The following SEC23A variants were observed in gnomAD, a reference collection of about 807,000 sequenced individuals.
The protein encoded by SEC23A is protein transport protein Sec23A.
Under a neutral mutation model 103.7 loss-of-function variants are expected in SEC23A, and 56 were observed. That is an observed-to-expected ratio of 0.54 (90% CI 0.44 to 0.67). SEC23A has a LOEUF of 0.67. Ranked by LOEUF, SEC23A falls within the 30% of genes least tolerant of loss-of-function variation. The pLI is 0.00. For synonymous variants in SEC23A, 281 were observed against 293.0 expected, an observed-to-expected ratio of 0.96 and a Z score of 0.42; for missense variants, 784 against 936.4, an observed-to-expected ratio of 0.84 and a Z score of 2.12.
chr14:39,092,387 C>T lies in SEC23A; in HGVS notation c.366+154G>A, dbSNP rs1459170458. Among the ~76,000 whole-genome samples, 5 of 152,170 alleles carry T rather than the reference C, an allele frequency of 3.3e-5. No homozygotes were observed. In the South Asian group the frequency reaches 1.0e-3, roughly 31 times the overall value. ...CAAATAAGTACAACATAGGAATTACCCTGCTCAAACTGACCTCAACAGTTC... is the reference window on the plus strand; with the variant it reads ...CAAATAAGTACAACATAGGAATTACTCTGCTCAAACTGACCTCAACAGTTC... On this transcript the variant is annotated intron_variant, in intron 4 of 19. Coordinates refer to ENST00000307712, the MANE Select transcript of SEC23A (RefSeq NM_006364.4).
At chr14:39,041,714 C>G (rs1327312896) in intron 17 of SEC23A, among the ~76,000 whole-genome samples, 2 of 151,824 alleles carry the variant, frequency 1.3e-5, no homozygotes, top group South Asian at 2.1e-4. Flanking sequence ...TACTAAAATG[C>G]AAAAATTAAC....
At chr14:39,061,008 A>C (rs1229410734) in intron 13 of SEC23A, among the ~76,000 whole-genome samples, 2 of 152,228 alleles carry the variant, frequency 1.3e-5, no homozygotes, top group East Asian at 3.8e-4. Flanking sequence ...AGTGCCATGA[A>C]GTCAAAAGAG....
chr14:39,068,356 C>G (rs1233476404), intron 9 of SEC23A, among the ~76,000 whole-genome samples: 1 of 152,066 alleles, frequency 6.6e-6, no homozygotes, highest in Non-Finnish European at 1.5e-5. Context: ...TATGGATTTC[C>G]TCCTTAATCC....
intron 14 of SEC23A, among the ~76,000 whole-genome samples, chr14:39,054,927 CTTACATT>C (rs1886190296): frequency 6.6e-6 from 1 of 152,138 alleles, no homozygotes; most frequent in Admixed American, 6.5e-5. Context: ...AATTGTCACT[CTTACATT>C]TTAAGGAAAA....
intron 9 of SEC23A, among the ~76,000 whole-genome samples, chr14:39,070,377 T>C (rs1157321477): frequency 6.6e-6 from 1 of 152,212 alleles, no homozygotes; most frequent in Non-Finnish European, 1.5e-5. Flanking sequence ...TCCCAGGTCA[T>C]TCTGTGACGA....
chr14:39,050,543 C>T (rs540671394), intron 14 of SEC23A, among the ~76,000 whole-genome samples: 1 of 152,148 alleles, frequency 6.6e-6, no homozygotes, highest in African/African-American at 2.4e-5. Context: ...GAAGTGTTTA[C>T]CCAGGATGGC....
chr14:39,077,161 G>A (rs1887056561), intron 7 of SEC23A, among the ~76,000 whole-genome samples: 1 of 143,342 alleles, frequency 7.0e-6, no homozygotes, highest in African/African-American at 2.6e-5. Context: ...CCAGGAGGTT[G>A]AGGTTGCAGT....
At chr14:39,063,257 G>A in intron 12 of SEC23A, 67 bp downstream of exon 12, 1 of 920,738 alleles carries the variant, frequency 1.1e-6, no homozygotes, top group South Asian at 1.3e-5. Flanking sequence ...AACTATTCAT[G>A]GCCTAAAGTA....
intron 16 of SEC23A, among the ~76,000 whole-genome samples, chr14:39,044,378 A>AT (rs1885758325): frequency 6.6e-6 from 1 of 152,194 alleles, no homozygotes; most frequent in Non-Finnish European, 1.5e-5. Context: ...TTAAAAATAT[A>AT]TATTTCCTAG....
chr14:39,077,455 T>G (rs370803485), intron 7 of SEC23A, among the ~76,000 whole-genome samples: 2 of 151,490 alleles, frequency 1.3e-5, no homozygotes, highest in African/African-American at 4.9e-5. Flanking sequence ...AGGCAGAGAA[T>G]TGCTTGAACC....
intron 7 of SEC23A, among the ~76,000 whole-genome samples, chr14:39,085,032 A>G (rs1260266375): frequency 4.6e-5 from 7 of 152,222 alleles, no homozygotes; most frequent in Admixed American, 3.9e-4. Flanking sequence ...TGGTCACTGA[A>G]AAGACTAAAG....
intron 10 of SEC23A, 35 bp from the exon 11 acceptor site, chr14:39,065,028 C>T (rs750812930): frequency 7.5e-7 from 1 of 1,338,998 alleles, no homozygotes; most frequent in South Asian, 1.2e-5. Flanking sequence ...TCGGTTTCCT[C>T]AAAGATACGT....
chr14:39,035,314 T>C (rs1026728294), intron 19 of SEC23A, among the ~76,000 whole-genome samples: 1 of 152,236 alleles, frequency 6.6e-6, no homozygotes, highest in African/African-American at 2.4e-5. Flanking sequence ...CTGAGCACTC[T>C]TATTTATGCC....
intron 7 of SEC23A, among the ~76,000 whole-genome samples, chr14:39,081,929 G>A (rs911012113): frequency 2.6e-5 from 4 of 152,052 alleles, no homozygotes; most frequent in Admixed American, 2.6e-4. Flanking sequence ...CAGGGTAAGG[G>A]TGCACATGAA....
chr14:39,059,300 A>AC (rs1566491555), intron 13 of SEC23A, among the ~76,000 whole-genome samples: 40 of 100,886 alleles, frequency 4.0e-4, no homozygotes, highest in South Asian at 1.5e-3. Flanking sequence ...AAAAAAAAAA[A>AC]AAAAAAAAAA....
At chr14:39,048,839 T>G in intron 14 of SEC23A, 110 bp from the exon 15 acceptor site, 1 of 663,448 alleles carries the variant, frequency 1.5e-6, no homozygotes, top group Non-Finnish European at 2.7e-6. Context: ...AAGCAGATAC[T>G]TGATAAAGAA....
rs1418469620 is a variant in SEC23A, at chr14:39,095,961, G to C, written c.158C>G (p.Pro53Arg). Reference sequence around the variant, plus strand: ...ACACAGAACAGGTTCATATTGAATAGGTGGTAAGTCAGGTCTCTCTTTCAG... The same window carrying C: ...ACACAGAACAGGTTCATATTGAATACGTGGTAAGTCAGGTCTCTCTTTCAG... ...TPLKERPDLP[P>R]IQYEPVLCSR... The change falls in exon 2 of 20, where the codon CCT becomes CGT. Residue 53 changes from proline (P) to arginine (R), a missense_variant. Pro to Arg is a moderately radical substitution (Grantham distance 103). This residue lies in a region of SEC23A where 683 missense variants were observed against 774.2 expected (regional missense o/e 0.88). Coordinates refer to ENST00000307712, the MANE Select transcript of SEC23A (RefSeq NM_006364.4). The C allele has an allele frequency of 4.3e-6, 7 of 1,614,148 alleles. No homozygotes were observed. Among genetic ancestry groups the C allele is most frequent in the Non-Finnish European group, 5.9e-6 (7 of 1,180,018 alleles).
intron 14 of SEC23A, among the ~76,000 whole-genome samples, chr14:39,051,721 G>A (rs548095802): frequency 4.6e-5 from 7 of 152,126 alleles, no homozygotes; most frequent in South Asian, 4.2e-4. Flanking sequence ...CCCAGTACTC[G>A]GGAGGCCAAG....
At chr14:39,044,857 G>A (rs989794973) in intron 16 of SEC23A, among the ~76,000 whole-genome samples, 7 of 152,074 alleles carry the variant, frequency 4.6e-5, no homozygotes, top group South Asian at 2.1e-4. Flanking sequence ...TGTTAAAGAC[G>A]TAAAGAATAA....
Sources: allele counts gnomAD v4.1 joint callset (sites outside exome capture counted in the v4.1 genomes callset), GRCh38; gene constraint gnomAD v4.1.1; regional missense constraint gnomAD v4.1.1; transcripts MANE v1.5; gene names NCBI Gene and HGNC (gene_info 2026-07-23, HGNC 2026-07-21).